The following RPAP2 variants were observed in gnomAD, a reference collection of about 807,000 sequenced individuals.
The protein encoded by RPAP2 is RNA polymerase II associated protein 2, also known as putative RNA polymerase II subunit B1 CTD phosphatase RPAP2.
Under a neutral mutation model 73.1 loss-of-function variants are expected in RPAP2, and 52 were observed. That is an observed-to-expected ratio of 0.71 (90% CI 0.57 to 0.90). RPAP2 has a LOEUF of 0.90. RPAP2 is among the 40% of genes least tolerant of loss of function. The pLI is 0.00. For missense variants in RPAP2, 598 were observed against 701.8 expected (o/e 0.85, Z 1.67); for synonymous variants, 225 against 242.1 (o/e 0.93, Z 0.65).
chr1:92,327,616 T>C lies in RPAP2; in HGVS notation c.1455+3241T>C, dbSNP rs563260578. Among the ~76,000 whole-genome samples, 6 of 152,358 alleles carry C rather than the reference T, an allele frequency of 3.9e-5. 1 individual carries two copies. In the South Asian group the frequency reaches 1.2e-3, roughly 32 times the overall value. On this transcript the variant is annotated intron_variant, in intron 8 of 12. Coordinates refer to ENST00000610020, the MANE Select transcript of RPAP2 (RefSeq NM_024813.3). ...TGAATTCGTATTAATTTTGCCATTCTGTATTTTTTAAGTGGAGCATTTAGG... is the reference window on the plus strand; with the variant it reads ...TGAATTCGTATTAATTTTGCCATTCCGTATTTTTTAAGTGGAGCATTTAGG...
rs540316793 is a variant in RPAP2, at chr1:92,302,907, A to AT, written c.235-1061dup. On this transcript the variant is annotated intron_variant, in intron 3 of 12. Coordinates refer to ENST00000610020, the MANE Select transcript of RPAP2 (RefSeq NM_024813.3). The stretch of plus-strand genomic sequence containing the variant: ...GAGCCACTGCTCTCGGCCCGCATTA[A>AT]TTTTTTTTTGGCCAGGCACGATGGC... Among the ~76,000 whole-genome samples the AT allele has an allele frequency of 2.5e-3, 380 of 150,592 alleles. 3 individuals are homozygous for AT. The highest frequency in any genetic ancestry group is 6.8e-3 in the Middle Eastern group (2 of 292).
At position 92,345,927 on chromosome 1, in the gene RPAP2, T is replaced by C; in HGVS notation, c.1688+13T>C. On this transcript the variant is annotated intron_variant, in intron 11 of 12. Coordinates refer to ENST00000610020, the MANE Select transcript of RPAP2 (RefSeq NM_024813.3). ...TGTTGCTGTCATTGTAAGTACTCTC[T>C]CAGATTTTAACTCTAAATACTAAAT... is the stretch of plus-strand genomic sequence containing the variant. 1.3e-6 allele frequency: 2 copies of C among 1,566,506 alleles called. No individual in the cohort carries two copies. The highest frequency in any genetic ancestry group is 1.8e-6 in the Non-Finnish European group (2 of 1,139,460).
chr1:92,326,466 G>A (rs1279431920), intron 8 of RPAP2, among the ~76,000 whole-genome samples: 1 of 152,122 alleles, frequency 6.6e-6, no homozygotes, highest in Non-Finnish European at 1.5e-5. Context: ...ACTTTCAAGA[G>A]AGCATCAGTT....
At chr1:92,303,727 C>A (rs1651021444) in intron 3 of RPAP2, among the ~76,000 whole-genome samples, 1 of 152,182 alleles carries the variant, frequency 6.6e-6, no homozygotes, top group African/African-American at 2.4e-5. Context: ...ACTATATAAT[C>A]TACAAAGATG....
chr1:92,366,376 T>C (rs72720453), intron 11 of RPAP2, among the ~76,000 whole-genome samples: 7,912 of 152,290 alleles, frequency 0.052, 302 homozygotes, highest in Middle Eastern at 0.092. Flanking sequence ...TATAAAACCA[T>C]ATTTACTGAA....
chr1:92,302,744 C>A (rs1048653162), intron 3 of RPAP2, among the ~76,000 whole-genome samples: 2 of 151,374 alleles, frequency 1.3e-5, no homozygotes, highest in Non-Finnish European at 1.5e-5. Context: ...TGGGACTGGG[C>A]GCCCACCATT....
chr1:92,332,962 A>T (rs1332742317), intron 8 of RPAP2, among the ~76,000 whole-genome samples: 2 of 152,082 alleles, frequency 1.3e-5, no homozygotes, highest in Non-Finnish European at 2.9e-5. Flanking sequence ...TCAGAGAGAG[A>T]GTCGGTTTGA....
chr1:92,360,831 T>C (rs539066822), intron 11 of RPAP2, among the ~76,000 whole-genome samples: 3 of 152,246 alleles, frequency 2.0e-5, no homozygotes, highest in South Asian at 2.1e-4. Context: ...CATTCATTAC[T>C]GTATTATTAG....
At position 92,344,585 on chromosome 1, in the gene RPAP2, A is replaced by G. The variant is rs868172507; in HGVS notation, c.1620-1261A>G. Reference sequence around the variant, plus strand: ...CATTTTTTTAACACACATTTTTTTTATGTATAAGTGAGAGTATTTTTAGGC... The same window carrying G: ...CATTTTTTTAACACACATTTTTTTTGTGTATAAGTGAGAGTATTTTTAGGC... On this transcript the variant is annotated intron_variant, in intron 10 of 12. Coordinates refer to ENST00000610020, the MANE Select transcript of RPAP2 (RefSeq NM_024813.3). 2.0e-5 allele frequency among the ~76,000 whole-genome samples: 3 copies of G among 152,266 alleles called. No individual in the cohort carries two copies. The Middle Eastern group carries it at 0.01, about 518-fold the overall frequency.
chr1:92,314,702 C>G (rs1651804992), intron 6 of RPAP2, among the ~76,000 whole-genome samples: 1 of 150,984 alleles, frequency 6.6e-6, no homozygotes, highest in South Asian at 2.1e-4. Context: ...GAGATGGTGC[C>G]ACTGCACTAC....
At chr1:92,305,351 T>G (rs1328998385) in intron 5 of RPAP2, among the ~76,000 whole-genome samples, 1 of 143,206 alleles carries the variant, frequency 7.0e-6, no homozygotes, top group Non-Finnish European at 1.5e-5. Context: ...GAGAATGGCG[T>G]GAACCCGGGA....
intron 11 of RPAP2, among the ~76,000 whole-genome samples, chr1:92,367,673 T>C (rs1249890176): frequency 1.3e-5 from 2 of 152,206 alleles, no homozygotes; most frequent in Non-Finnish European, 2.9e-5. Context: ...TCAAATCTGA[T>C]AGGTACAGAA....
intron 11 of RPAP2, among the ~76,000 whole-genome samples, chr1:92,348,450 A>C (rs1447771459): frequency 2.6e-5 from 4 of 152,088 alleles, no homozygotes; most frequent in Non-Finnish European, 5.9e-5. Flanking sequence ...GTTTTCTGAT[A>C]ATTCTAACTT....
At chr1:92,322,014 C>T (rs1391605292) in intron 7 of RPAP2, among the ~76,000 whole-genome samples, 4 of 147,396 alleles carry the variant, frequency 2.7e-5, no homozygotes, top group Non-Finnish European at 3.0e-5. Flanking sequence ...GGCGCGATCT[C>T]GGCTCACTGC....
At position 92,333,463 on chromosome 1, in the gene RPAP2, T is replaced by C. The variant is rs535196559; in HGVS notation, c.1528T>C (p.Leu510=). The C allele has an allele frequency of 1.1e-5, 17 of 1,611,632 alleles. No individual in the cohort carries two copies. Among genetic ancestry groups the C allele is most frequent in the Non-Finnish European group, 1.4e-5 (16 of 1,177,990 alleles). The change falls in exon 9 of 13, where the codon TTG becomes CTG. Residue 510 remains leucine (L), a synonymous_variant. Coordinates refer to ENST00000610020, the MANE Select transcript of RPAP2 (RefSeq NM_024813.3). ...QIRKRIVLEK[L]SKVLPGLLVP... ...TAGAAAACGCATCGTACTTGAAAAG[T>C]TGAGTAAAGTGTAAGTATGTAATTG... is the stretch of plus-strand genomic sequence containing the variant.
At chr1:92,375,513 G>A (rs1438094853) in intron 11 of RPAP2, among the ~76,000 whole-genome samples, 13 of 152,064 alleles carry the variant, frequency 8.5e-5, no homozygotes, top group Admixed American at 8.5e-4. Context: ...TAGGCAACAT[G>A]GTGAAACCCT....
chr1:92,341,143 G>C (rs1057310859), intron 10 of RPAP2, among the ~76,000 whole-genome samples: 2 of 151,892 alleles, frequency 1.3e-5, no homozygotes, highest in Non-Finnish European at 2.9e-5. Flanking sequence ...TGAGTAGCTG[G>C]GACTACAGAC....
chr1:92,304,774 C>T (rs890278751), intron 5 of RPAP2, among the ~76,000 whole-genome samples: 3 of 152,102 alleles, frequency 2.0e-5, no homozygotes, highest in Admixed American at 6.5e-5. Flanking sequence ...AAAATTGATG[C>T]CTATCTCAGT....
At chr1:92,300,726 T>G (rs749296899) in intron 2 of RPAP2, among the ~76,000 whole-genome samples, 1 of 152,248 alleles carries the variant, frequency 6.6e-6, no homozygotes, top group Non-Finnish European at 1.5e-5. Context: ...TATGTAGCTA[T>G]GATTTTTATT....
Sources: allele counts gnomAD v4.1 joint callset (sites outside exome capture counted in the v4.1 genomes callset), GRCh38; gene constraint gnomAD v4.1.1; transcripts MANE v1.5; gene names NCBI Gene and HGNC (gene_info 2026-07-23, HGNC 2026-07-21).